Variants in LUZP2 observed in about 807,000 individuals in gnomAD.
The protein encoded by LUZP2 is leucine zipper protein 2.
Under a neutral mutation model 51.6 loss-of-function variants are expected in LUZP2, and 52 were observed. The observed-to-expected ratio is 1.01, with a 90% confidence interval of 0.81 to 1.27. The LOEUF (loss-of-function observed/expected upper bound fraction) is 1.27, where lower values mean the gene tolerates loss of function less well. Among genes scored for constraint, LUZP2 ranks in the 50% most tolerant of loss-of-function variants. LUZP2 has a pLI of 0.00. For synonymous variants in LUZP2, 154 were observed against 137.3 expected (o/e 1.12, Z -0.85); for missense variants, 436 against 395.4 (o/e 1.10, Z -0.87).
chr11:24,771,862 G>A (rs758945391), intron 5 of LUZP2, among the ~76,000 whole-genome samples: 18 of 152,190 alleles, frequency 1.2e-4, no homozygotes, highest in South Asian at 4.1e-4. Context: ...ACCTGACACC[G>A]TGTAAGACAT....
intron 9 of LUZP2, among the ~76,000 whole-genome samples, chr11:25,003,240 C>T (rs1217002012): frequency 6.6e-6 from 1 of 152,158 alleles, no homozygotes; most frequent in Non-Finnish European, 1.5e-5. Context: ...GAGAAGAGAC[C>T]TAGATCTTGG....
chr11:24,545,997 C>T (rs2221717), intron 1 of LUZP2, among the ~76,000 whole-genome samples: 63,640 of 151,712 alleles, frequency 0.42, 13,852 homozygotes, highest in African/African-American at 0.51. Context: ...AGATTTTTCA[C>T]GTCCCTGGTT....
At chr11:25,054,314 A>T (rs1398046661) in intron 10 of LUZP2, among the ~76,000 whole-genome samples, 1 of 152,212 alleles carries the variant, frequency 6.6e-6, no homozygotes, top group Non-Finnish European at 1.5e-5. Context: ...CTTCTGAAAC[A>T]CACAAGCTTT....
chr11:24,918,965 T>C (rs368128085), intron 7 of LUZP2, among the ~76,000 whole-genome samples: 25 of 138,208 alleles, frequency 1.8e-4, no homozygotes, highest in African/African-American at 4.9e-4. Flanking sequence ...ATATGTATTA[T>C]ATATAGTTAT....
At position 24,958,749 on chromosome 11, in the gene LUZP2, T is replaced by A. The variant is rs1362739410; in HGVS notation, c.523-17842T>A. Among the ~76,000 whole-genome samples the A allele has an allele frequency of 2.0e-5, 3 of 152,312 alleles. No homozygotes were observed. The East Asian group carries it at 5.8e-4, about 29-fold the overall frequency. On this transcript the variant is annotated intron_variant, in intron 7 of 11. Coordinates refer to ENST00000336930, the MANE Select transcript of LUZP2 (RefSeq NM_001009909.4). ...GTTTCTTTTGCTGTGCAGAAACTCT[T>A]TAGTTTAATTAGATCCCATTTGTCA...
At chr11:24,666,855 C>G (rs1856230250) in intron 1 of LUZP2, among the ~76,000 whole-genome samples, 1 of 152,280 alleles carries the variant, frequency 6.6e-6, no homozygotes, top group Admixed American at 6.5e-5. Context: ...AAACCAGGAT[C>G]TTGCTGAAAA....
rs1565111101 is a variant in LUZP2 at position 24,741,968 on chromosome 11, A to ATACATTTATATATTATATATAAATG, written c.333+3668_333+3669insCATTTATATATTATATATAAATGTA. Among the ~76,000 whole-genome samples the ATACATTTATATATTATATATAAATG allele has an allele frequency of 9.9e-3, 340 of 34,256 alleles. 16 individuals carry two copies. The highest frequency in any genetic ancestry group is 0.024 in the African/African-American group (316 of 13,326). The allele number at this position is 34,256 out of a possible 152,430, so 22.5% of individuals were successfully genotyped here. A position where few individuals can be genotyped will look rare whatever the true frequency, so the allele number is the denominator to read the frequency against. ...ATACATTTATATATTATATATAAAT[A>ATACATTTATATATTATATATAAATG]TATACATTTATATATTATATATAAA... On this transcript the variant is annotated intron_variant, in intron 4 of 11. Transcript: ENST00000336930.
chr11:24,634,871 C>A (rs564891197), intron 1 of LUZP2, among the ~76,000 whole-genome samples: 1 of 152,188 alleles, frequency 6.6e-6, no homozygotes, highest in African/African-American at 2.4e-5. Context: ...GGAACAGATA[C>A]AGGCTTCTCA....
At chr11:24,514,359 A>G (rs1336117486) in intron 1 of LUZP2, among the ~76,000 whole-genome samples, 2 of 152,224 alleles carry the variant, frequency 1.3e-5, no homozygotes, top group Non-Finnish European at 2.9e-5. Context: ...GAATGGTTTC[A>G]GAATAAGTAA....
intron 7 of LUZP2, among the ~76,000 whole-genome samples, chr11:24,964,802 T>C (rs1855533997): frequency 6.6e-6 from 1 of 152,002 alleles, no homozygotes; most frequent in South Asian, 2.1e-4. Flanking sequence ...AGCATTTTTT[T>C]TTACTGTATT....
chr11:24,584,785 T>G (rs1041640852), intron 1 of LUZP2, among the ~76,000 whole-genome samples: 1 of 152,110 alleles, frequency 6.6e-6, no homozygotes, highest in Non-Finnish European at 1.5e-5. Flanking sequence ...AAGGAAAATT[T>G]AGAGAATTCA....
chr11:24,976,037 C>A (rs540485140), intron 7 of LUZP2, among the ~76,000 whole-genome samples: 25 of 152,048 alleles, frequency 1.6e-4, no homozygotes, highest in African/African-American at 6.0e-4. Context: ...TAGTCAGTGC[C>A]TTCTCTGTCT....
At chr11:24,712,675 A>G (rs941560767) in intron 1 of LUZP2, among the ~76,000 whole-genome samples, 2 of 152,176 alleles carry the variant, frequency 1.3e-5, no homozygotes, top group African/African-American at 4.8e-5. Context: ...ATGACTAGGT[A>G]ATGCAGGCCA....
chr11:25,022,415 T>G (rs1471026354), intron 9 of LUZP2, among the ~76,000 whole-genome samples: 2 of 152,024 alleles, frequency 1.3e-5, no homozygotes, highest in Non-Finnish European at 2.9e-5. Context: ...AAACATTTAT[T>G]ACTAGCCTGA....
intron 5 of LUZP2, among the ~76,000 whole-genome samples, chr11:24,873,396 T>A (rs1027500206): frequency 6.6e-5 from 10 of 152,176 alleles, no homozygotes; most frequent in African/African-American, 1.9e-4. Context: ...AATGGTAGGG[T>A]GACAAAAATG....
At chr11:24,998,712 A>C (rs990510999) in intron 9 of LUZP2, among the ~76,000 whole-genome samples, 15 of 152,166 alleles carry the variant, frequency 9.9e-5, no homozygotes, top group Non-Finnish European at 1.5e-5. Flanking sequence ...TACCCAACTT[A>C]ATAGGATTTC....
At chr11:25,048,092 T>G (rs1264111792) in intron 9 of LUZP2, among the ~76,000 whole-genome samples, 1 of 152,176 alleles carries the variant, frequency 6.6e-6, no homozygotes, top group Non-Finnish European at 1.5e-5. Context: ...AATACAGGCC[T>G]GAGGCACTGC....
intron 5 of LUZP2, among the ~76,000 whole-genome samples, chr11:24,829,439 A>T (rs1850634117): frequency 6.6e-6 from 1 of 152,198 alleles, no homozygotes; most frequent in African/African-American, 2.4e-5. Context: ...TTAATTTTGA[A>T]ATTTAGTATT....
At chr11:25,068,943 A>G (rs891938246) in intron 10 of LUZP2, among the ~76,000 whole-genome samples, 2 of 151,916 alleles carry the variant, frequency 1.3e-5, no homozygotes, top group East Asian at 3.9e-4. Flanking sequence ...CTCAAGCCTC[A>G]GTTCATCCTT....
Sources: allele counts gnomAD v4.1 joint callset (sites outside exome capture counted in the v4.1 genomes callset), GRCh38; gene constraint gnomAD v4.1.1; transcripts MANE v1.5; gene names NCBI Gene and HGNC (gene_info 2026-07-23, HGNC 2026-07-21).